SIPA1L3: variants seen among roughly 807,000 people sequenced by gnomAD.
The protein encoded by SIPA1L3 is signal induced proliferation associated 1 like 3, also known as signal-induced proliferation-associated 1-like protein 3.
A neutral mutation model predicts 150.1 loss-of-function variants in SIPA1L3; 59 were observed. That is an observed-to-expected ratio of 0.39 (90% confidence interval 0.32 to 0.49). SIPA1L3 has a LOEUF of 0.49. Among genes scored for constraint, SIPA1L3 ranks in the 20% least tolerant of loss-of-function variants. SIPA1L3 has a pLI of 0.86. For missense variants in SIPA1L3, 2,211 were observed against 2,489.5 expected, an observed-to-expected ratio of 0.89 and a Z score of 2.38; for synonymous variants, 1,070 against 1,077.6, an observed-to-expected ratio of 0.99 and a Z score of 0.14.
chr19:38,203,890 A>G (rs983785337), intron 20 of SIPA1L3: 1 of 533,398 alleles, frequency 1.9e-6, no homozygotes, highest in African/African-American at 1.9e-5. Flanking sequence ...GTGGGCAGCC[A>G]CCCTTCCCCT....
chr19:37,913,949 G>A (rs1045212672), intron 1 of SIPA1L3, among the ~76,000 whole-genome samples: 1 of 150,120 alleles, frequency 6.7e-6, no homozygotes, highest in East Asian at 2.0e-4. Flanking sequence ...TAGGAGGCAG[G>A]AGGAGGCGGA....
chr19:37,992,171 A>G (rs1967524714), intron 1 of SIPA1L3, among the ~76,000 whole-genome samples: 1 of 152,178 alleles, frequency 6.6e-6, no homozygotes, highest in Non-Finnish European at 1.5e-5. Context: ...AGCAAGGGCC[A>G]GAGCAGTCCC....
Position 38,076,058 on chromosome 19 carries a change from G to A in SIPA1L3, c.-310-5198G>A, listed in dbSNP as rs190561654. Among the ~76,000 whole-genome samples the A allele has an allele frequency of 1.3e-3, 202 of 151,398 alleles. 4 individuals carry two copies. In the East Asian group the frequency reaches 0.028, roughly 21 times the overall value. On this transcript the variant is annotated intron_variant, in intron 2 of 21. Transcript: ENST00000222345. ...CCAGAGGCTGAGGCAGGAGAATGGC[G>A]TAACCTGGGAGGCGGAGATTGCAGT...
chr19:38,064,909 A>AGTC (rs1969538002), intron 2 of SIPA1L3, among the ~76,000 whole-genome samples: 1 of 152,200 alleles, frequency 6.6e-6, no homozygotes, highest in South Asian at 2.1e-4. Flanking sequence ...CTGGGAATTG[A>AGTC]ACCAAGATAG....
intron 11 of SIPA1L3, among the ~76,000 whole-genome samples, 162 bp downstream of exon 11, chr19:38,141,597 C>A (rs981064331): frequency 6.6e-6 from 1 of 152,142 alleles, no homozygotes; most frequent in Non-Finnish European, 1.5e-5. Flanking sequence ...CTCCCTCCTT[C>A]GTTTCAGCTT....
chr19:37,948,657 CAGTT>C (rs1275572579), intron 1 of SIPA1L3, among the ~76,000 whole-genome samples: 1 of 152,106 alleles, frequency 6.6e-6, no homozygotes, highest in Non-Finnish European at 1.5e-5. Flanking sequence ...GCTGGGGCCA[CAGTT>C]AGGGCTCAGG....
At chr19:37,984,606 G>A (rs1967297134) in intron 1 of SIPA1L3, among the ~76,000 whole-genome samples, 1 of 152,174 alleles carries the variant, frequency 6.6e-6, no homozygotes, top group South Asian at 2.1e-4. Context: ...TGCAAAGTGA[G>A]GAAAAGAACT....
chr19:38,121,946 C>T (rs1047012664), intron 9 of SIPA1L3, among the ~76,000 whole-genome samples: 5 of 151,596 alleles, frequency 3.3e-5, no homozygotes, highest in African/African-American at 9.7e-5. Flanking sequence ...AGTGGCCAGG[C>T]GCGGTGGCTC....
Position 38,046,657 on chromosome 19 carries a change from G to T in SIPA1L3, c.-311+17501G>T, listed in dbSNP as rs1037852168. Among the ~76,000 whole-genome samples the T allele has an allele frequency of 1.3e-5, 2 of 152,198 alleles. No individual in the cohort carries two copies. Among genetic ancestry groups the T allele is most frequent in the Non-Finnish European group, 2.9e-5 (2 of 68,028 alleles). On this transcript the variant is annotated intron_variant, in intron 2 of 21. Transcript: ENST00000222345. The surrounding 1 kb of genome is among the most constrained non-coding windows in gnomAD (Gnocchi z 5.6). ...CCCACATGAATCCGCCATCTCGCCC[G>T]CAGCCTGGGGATGCTGCTGGATTTT... is the stretch of plus-strand genomic sequence containing the variant.
chr19:38,085,239 T>C (rs1176252203), intron 3 of SIPA1L3, among the ~76,000 whole-genome samples: 1 of 151,920 alleles, frequency 6.6e-6, no homozygotes, highest in Non-Finnish European at 1.5e-5. Flanking sequence ...CCCAGCACTT[T>C]GGGAGGCCAA....
rs754596271 is a variant in SIPA1L3 at position 38,082,170 on chromosome 19, A to T, written c.605A>T (p.Tyr202Phe). 1 of 1,605,022 alleles carries T rather than the reference A, an allele frequency of 6.2e-7. No individual in the cohort carries two copies. The highest frequency in any genetic ancestry group is 8.5e-7 in the Non-Finnish European group (1 of 1,179,714). ...GGGGCGCTGCCCCTCTTCCGCGAGT[A>T]CGGGAGCACCTCGTCCATCGACGTG... Reference protein sequence around the residue: ...HTGALPLFREYGSTSSIDVQG... With the variant: ...HTGALPLFREFGSTSSIDVQG... Residue 202 changes from tyrosine (Y) to phenylalanine (F), a missense_variant, in exon 3 of 22, where the codon TAC becomes TTC. Physicochemically the swap from Tyr to Phe is conservative, Grantham distance 22 (BLOSUM62 3). Coordinates refer to ENST00000222345, the MANE Select transcript of SIPA1L3 (RefSeq NM_015073.3).
At chr19:38,022,543 C>T (rs1014987722) in intron 1 of SIPA1L3, among the ~76,000 whole-genome samples, 2 of 150,408 alleles carry the variant, frequency 1.3e-5, no homozygotes, top group Non-Finnish European at 3.0e-5. Context: ...ACTAAAAATA[C>T]ACAGACACAC....
intron 8 of SIPA1L3, among the ~76,000 whole-genome samples, chr19:38,112,212 C>T (rs1210214909): frequency 6.6e-6 from 1 of 151,066 alleles, no homozygotes; most frequent in Non-Finnish European, 1.5e-5. Context: ...CACGCATAAA[C>T]ACATGCACAT....
At chr19:37,981,857 A>G (rs1348587074) in intron 1 of SIPA1L3, among the ~76,000 whole-genome samples, 2 of 152,322 alleles carry the variant, frequency 1.3e-5, no homozygotes, top group Middle Eastern at 3.4e-3. Flanking sequence ...AGAAAGTTAC[A>G]TGACCACCCA....
chr19:38,044,148 A>G (rs942355741), intron 2 of SIPA1L3, among the ~76,000 whole-genome samples: 1 of 152,204 alleles, frequency 6.6e-6, no homozygotes, highest in African/African-American at 2.4e-5. Context: ...TGAGGGGTGA[A>G]GATACTGCAT....
At chr19:38,071,300 ATG>A (rs1228667970) in intron 2 of SIPA1L3, among the ~76,000 whole-genome samples, 1 of 151,860 alleles carries the variant, frequency 6.6e-6, no homozygotes, top group Non-Finnish European at 1.5e-5. Context: ...CTACCTATCT[ATG>A]TAGTGACAGA....
intron 12 of SIPA1L3, among the ~76,000 whole-genome samples, chr19:38,143,049 A>C (rs1405395040): frequency 6.6e-6 from 1 of 152,088 alleles, no homozygotes; most frequent in Non-Finnish European, 1.5e-5. Flanking sequence ...AGCATTACCC[A>C]GTTTTCGAGA....
chr19:38,161,767 G>A (rs1285924779), intron 13 of SIPA1L3, among the ~76,000 whole-genome samples: 1 of 152,110 alleles, frequency 6.6e-6, no homozygotes, highest in East Asian at 1.9e-4. Context: ...GGTAAAGGAG[G>A]CTAGGCATGG....
intron 1 of SIPA1L3, among the ~76,000 whole-genome samples, chr19:38,007,912 T>C (rs921029388): frequency 4.6e-5 from 7 of 152,190 alleles, no homozygotes; most frequent in East Asian, 1.9e-4. Context: ...TCTGATGTTC[T>C]ATATTTGCTT....
Sources: allele counts gnomAD v4.1 joint callset (sites outside exome capture counted in the v4.1 genomes callset), GRCh38; gene constraint gnomAD v4.1.1; non-coding constraint Gnocchi (gnomAD v3.1); transcripts MANE v1.5; gene names NCBI Gene and HGNC (gene_info 2026-07-23, HGNC 2026-07-21).